The following RPTOR variants were observed in gnomAD, a reference collection of about 807,000 sequenced individuals.
The protein encoded by RPTOR is regulatory-associated protein of mTOR.
RPTOR carries 21 observed loss-of-function variants against 169.9 expected under a neutral mutation model. That is an observed-to-expected ratio of 0.12 (90% CI 0.09 to 0.18). RPTOR has a LOEUF of 0.18. Among genes scored for constraint, RPTOR ranks in the 10% least tolerant of loss-of-function variants. The pLI, the probability that RPTOR is intolerant of heterozygous loss-of-function variation, is 1.00. For missense variants in RPTOR, 1,133 were observed against 1,855.9 expected, an observed-to-expected ratio of 0.61 and a Z score of 7.16; for synonymous variants, 732 against 753.2, an observed-to-expected ratio of 0.97 and a Z score of 0.46.
intron 1 of RPTOR, among the ~76,000 whole-genome samples, chr17:80,603,270 C>T (rs547094912): frequency 6.6e-6 from 1 of 152,196 alleles, no homozygotes; most frequent in Non-Finnish European, 1.5e-5. Context: ...CAAGAAACCG[C>T]TAAAGCAGTG....
rs1376111753 is a variant in RPTOR at position 80,749,433 on chromosome 17, G to A, written c.655-4577G>A. ...CCTGTTGGGTGGATGGAGGGGCTGC[G>A]GGGTGTGTTTAGAGGCCGTGGCGGG... is the stretch of plus-strand genomic sequence containing the variant. On this transcript the variant is annotated intron_variant, in intron 5 of 33. Transcript: ENST00000306801. Among the ~76,000 whole-genome samples the A allele has an allele frequency of 8.5e-4, 70 of 81,972 alleles. 9 individuals carry two copies. Among genetic ancestry groups the A allele is most frequent in the Non-Finnish European group, 1.3e-3 (50 of 38,772 alleles). 53.8% of individuals were successfully genotyped at this position (81,972 alleles called of 152,430 possible).
rs187581465 is a variant in RPTOR, at chr17:80,656,741, C to T, written c.348+12931C>T. 4.6e-5 allele frequency among the ~76,000 whole-genome samples: 7 copies of T among 152,268 alleles called. No individual in the cohort carries two copies. The South Asian group carries it at 6.2e-4, about 14-fold the overall frequency. On this transcript the variant is annotated intron_variant, in intron 3 of 33. Coordinates refer to ENST00000306801, the MANE Select transcript of RPTOR (RefSeq NM_020761.3). Reference sequence around the variant, plus strand: ...CCATCTCATTTGTTTCTGTGCCATGCGTGTGACATGATGAGCTGGAAAGAC... The same window carrying T: ...CCATCTCATTTGTTTCTGTGCCATGTGTGTGACATGATGAGCTGGAAAGAC...
intron 6 of RPTOR, among the ~76,000 whole-genome samples, chr17:80,770,078 T>C (rs1434568922): frequency 6.6e-6 from 1 of 152,196 alleles, no homozygotes; most frequent in East Asian, 1.9e-4. Flanking sequence ...GGTCAAGGCA[T>C]CGGTGGGTTT....
rs558806080 is a variant in RPTOR, at chr17:80,957,574, C to T, written c.3371-50C>T. On this transcript the variant is annotated intron_variant, in intron 28 of 33. Transcript: ENST00000306801. The surrounding 1 kb of genome is among the most constrained non-coding windows in gnomAD (Gnocchi z 4.6). ...GCCCAGAGCAGGCCCCAAAGCCTGC[C>T]CAAGGCAAGGGCCCATGGGGTGATG... 5.7e-6 allele frequency: 9 copies of T among 1,566,728 alleles called. No homozygotes were observed. The African/African-American group carries it at 6.7e-5, about 12-fold the overall frequency.
At chr17:80,829,024 C>A (rs375053517) in intron 9 of RPTOR, among the ~76,000 whole-genome samples, 1 of 152,172 alleles carries the variant, frequency 6.6e-6, no homozygotes, top group East Asian at 1.9e-4. Context: ...ATTAATGATG[C>A]TTGTGCCAGG....
intron 21 of RPTOR, among the ~76,000 whole-genome samples, chr17:80,918,994 G>A (rs934691060): frequency 4.6e-5 from 7 of 152,158 alleles, no homozygotes; most frequent in African/African-American, 1.7e-4. Flanking sequence ...CACACACCCG[G>A]GTCTGAGGAG....
chr17:80,557,894 C>T (rs2084431116), intron 1 of RPTOR, among the ~76,000 whole-genome samples: 1 of 152,080 alleles, frequency 6.6e-6, no homozygotes, highest in African/African-American at 2.4e-5. Flanking sequence ...CCACTGCACT[C>T]CAGCCTGGGC....
At chr17:80,828,691 A>C (rs966953889) in intron 9 of RPTOR, among the ~76,000 whole-genome samples, 1 of 152,232 alleles carries the variant, frequency 6.6e-6, no homozygotes, top group Non-Finnish European at 1.5e-5. Flanking sequence ...GCATAGCTGA[A>C]GCAGGTCGCT....
intron 21 of RPTOR, among the ~76,000 whole-genome samples, chr17:80,919,744 T>C (rs1333872327): frequency 6.6e-6 from 1 of 152,206 alleles, no homozygotes; most frequent in African/African-American, 2.4e-5. Context: ...ATTCGACTGT[T>C]AGCAAAGTCG....
At chr17:80,859,500 C>T (rs1030673410) in intron 13 of RPTOR, among the ~76,000 whole-genome samples, 15 of 152,276 alleles carry the variant, frequency 9.9e-5, no homozygotes, top group East Asian at 3.9e-4. Flanking sequence ...GAGCTGGGCT[C>T]GGAGCCAGGT....
chr17:80,927,732 C>CTGTGTGTCCCTG (rs35087326), intron 24 of RPTOR, among the ~76,000 whole-genome samples: 127,283 of 146,526 alleles, frequency 0.87, 55,258 homozygotes, highest in African/African-American at 0.89. Flanking sequence ...CTGTGTGTTT[C>CTGTGTGTCCCTG]TGTGTGTCTG....
chr17:80,718,603 G>C (rs1384499033), intron 4 of RPTOR, among the ~76,000 whole-genome samples: 9 of 152,326 alleles, frequency 5.9e-5, no homozygotes, highest in Non-Finnish European at 1.0e-4. Flanking sequence ...GCTTGCTCGG[G>C]CTGAGTCTTA....
intron 13 of RPTOR, among the ~76,000 whole-genome samples, chr17:80,877,081 G>A (rs1192480820): frequency 1.3e-5 from 2 of 151,934 alleles, no homozygotes; most frequent in African/African-American, 2.4e-5. Context: ...TCTTCCCACT[G>A]AGCCCGTGCC....
intron 6 of RPTOR, among the ~76,000 whole-genome samples, chr17:80,777,773 G>A (rs989588021): frequency 2.0e-5 from 3 of 152,164 alleles, no homozygotes; most frequent in African/African-American, 7.2e-5. Context: ...GTTAATTTTT[G>A]TAAATGGTGT....
intron 23 of RPTOR, 91 bp from the exon 24 acceptor site, chr17:80,925,279 T>C (rs1377767891): frequency 5.4e-6 from 6 of 1,121,426 alleles, no homozygotes; most frequent in Non-Finnish European, 7.8e-6. Flanking sequence ...GGCAGCGCCT[T>C]TGTCCCCAGC....
intron 28 of RPTOR, among the ~76,000 whole-genome samples, chr17:80,953,987 T>C (rs1026972370): frequency 2.0e-5 from 3 of 152,222 alleles, no homozygotes; most frequent in Middle Eastern, 3.2e-3. Context: ...GGGACTACAC[T>C]TCTTTTTTTG....
intron 22 of RPTOR, 125 bp downstream of exon 22, chr17:80,922,952 C>G: frequency 3.9e-6 from 3 of 770,214 alleles, no homozygotes; most frequent in Non-Finnish European, 6.2e-6. Context: ...GTCTCCTCCC[C>G]CCTCTCCAGC....
chr17:80,774,967 G>A (rs2066879534), intron 6 of RPTOR, among the ~76,000 whole-genome samples: 1 of 152,214 alleles, frequency 6.6e-6, no homozygotes, highest in Non-Finnish European at 1.5e-5. Flanking sequence ...GTCGTGCTCT[G>A]GCAGAGTCTC....
At chr17:80,898,539 T>C (rs894570650) in intron 20 of RPTOR, among the ~76,000 whole-genome samples, 1 of 152,208 alleles carries the variant, frequency 6.6e-6, no homozygotes, top group Non-Finnish European at 1.5e-5. Flanking sequence ...TCTTGTCCTG[T>C]TACAGTTCTC....
Sources: gnomAD v4.1 joint callset for allele counts (sites outside exome capture counted in the v4.1 genomes callset) on GRCh38, gnomAD v4.1.1 for gene constraint, Gnocchi (gnomAD v3.1) non-coding constraint, MANE v1.5 for transcripts, NCBI Gene and HGNC (gene_info 2026-07-23, HGNC 2026-07-21) for gene names.